Variants in CEP70 observed in about 807,000 individuals in gnomAD.
CEP70 encodes the protein centrosomal protein of 70 kDa.
In CEP70, 70 loss-of-function variants were observed where a neutral mutation model predicts 90.9. The observed-to-expected ratio is 0.77, with a 90% CI of 0.64 to 0.94. The LOEUF (loss-of-function observed/expected upper bound fraction) is 0.94, where lower values mean the gene tolerates loss of function less well. Among genes scored for constraint, CEP70 ranks in the 40% least tolerant of loss-of-function variants. The pLI, the probability that CEP70 is intolerant of heterozygous loss-of-function variation, is 0.00. For missense variants in CEP70, 648 were observed against 669.0 expected (o/e 0.97, Z 0.35); for synonymous variants, 220 against 228.3 (o/e 0.96, Z 0.33).
chr3:138,510,883 C>G (rs9827256), intron 11 of CEP70, among the ~76,000 whole-genome samples: 1 of 132,696 alleles, frequency 7.5e-6, no homozygotes. Flanking sequence ...TTTTTTGAGA[C>G]GGAGTCTCGC....
chr3:138,503,927 T>C (rs929952233), intron 13 of CEP70, among the ~76,000 whole-genome samples: 41 of 152,368 alleles, frequency 2.7e-4, no homozygotes, highest in African/African-American at 8.4e-4. Context: ...TTAGTATATT[T>C]TGTCTAATTA....
chr3:138,553,576 C>G (rs563526336), intron 6 of CEP70, among the ~76,000 whole-genome samples: 1 of 151,884 alleles, frequency 6.6e-6, no homozygotes, highest in South Asian at 2.1e-4. Context: ...TGACACTATT[C>G]CAAAAGACAG....
At chr3:138,525,625 T>C in intron 10 of CEP70, 61 bp from the exon 11 acceptor site, 1 of 764,758 alleles carries the variant, frequency 1.3e-6, no homozygotes, top group Non-Finnish European at 1.9e-6. Flanking sequence ...TAAAGGTACT[T>C]AAATATTAAC....
chr3:138,514,060 A>G (rs1365023097), intron 11 of CEP70, among the ~76,000 whole-genome samples: 1 of 152,194 alleles, frequency 6.6e-6, no homozygotes, highest in East Asian at 1.9e-4. Flanking sequence ...TGTAACTACA[A>G]ATCCTTTACT....
chr3:138,529,120 C>A, intron 10 of CEP70, 79 bp downstream of exon 10: 1 of 802,710 alleles, frequency 1.2e-6, no homozygotes, highest in South Asian at 1.8e-5. Context: ...GAGACGTGAT[C>A]ACACCACTGC....
At chr3:138,543,241 G>T (rs1415530389) in intron 6 of CEP70, among the ~76,000 whole-genome samples, 2 of 152,160 alleles carry the variant, frequency 1.3e-5, no homozygotes, top group African/African-American at 4.8e-5. Flanking sequence ...CAGGCTGTCT[G>T]CACTGCAGGA....
intron 11 of CEP70, among the ~76,000 whole-genome samples, chr3:138,521,007 G>A (rs2036565601): frequency 1.3e-5 from 2 of 152,100 alleles, no homozygotes; most frequent in Non-Finnish European, 1.5e-5. Flanking sequence ...ACGGGGTTTC[G>A]CCATGTTGGC....
At position 138,500,552 on chromosome 3, in the gene CEP70, G is replaced by A. The variant is rs1353285295; in HGVS notation, c.1384C>T (p.His462Tyr). ...ACAATAGCTTGCAAAGTTTGAAAGT[G>A]TGGCATATTGCTGTCCTGTCCAAAA... is the stretch of plus-strand genomic sequence containing the variant. ...ENKEKDSNMP[H>Y]FQTLQAIVSH... The change falls in exon 15 of 18, where the codon CAC becomes TAC. Residue 462 changes from histidine (H) to tyrosine (Y), a missense_variant. Coordinates refer to ENST00000264982, the MANE Select transcript of CEP70 (RefSeq NM_024491.4). The A allele has an allele frequency of 6.2e-7, 1 of 1,606,864 alleles. No homozygotes were observed. Among genetic ancestry groups the A allele is most frequent in the Non-Finnish European group, 8.5e-7 (1 of 1,178,134 alleles).
chr3:138,516,587 C>T (rs1311059067), intron 11 of CEP70, among the ~76,000 whole-genome samples: 7 of 152,146 alleles, frequency 4.6e-5, no homozygotes. Flanking sequence ...GGACTCACTA[C>T]ATTGCCCAGT....
At chr3:138,542,134 A>T (rs2038819203) in intron 6 of CEP70, among the ~76,000 whole-genome samples, 1 of 152,176 alleles carries the variant, frequency 6.6e-6, no homozygotes, top group Non-Finnish European at 1.5e-5. Context: ...TGTGTGAGTT[A>T]GCAAATGTGG....
intron 6 of CEP70, among the ~76,000 whole-genome samples, chr3:138,559,842 C>G (rs1254551486): frequency 6.6e-6 from 1 of 152,174 alleles, no homozygotes; most frequent in Non-Finnish European, 1.5e-5. Context: ...TCAGCAGAAA[C>G]AATGAATCCA....
intron 17 of CEP70, chr3:138,496,053 C>T (rs918657074): frequency 1.0e-6 from 1 of 985,290 alleles, no homozygotes; most frequent in South Asian, 4.7e-5. Flanking sequence ...AATTCACTCT[C>T]TGAAGCTCCT....
intron 2 of CEP70, among the ~76,000 whole-genome samples, chr3:138,573,965 C>A (rs2041349036): frequency 6.6e-6 from 1 of 151,860 alleles, no homozygotes; most frequent in Admixed American, 6.6e-5. Flanking sequence ...AAAAATAAAC[C>A]CAAGGGCATC....
At chr3:138,519,962 G>A (rs2036450044) in intron 11 of CEP70, among the ~76,000 whole-genome samples, 1 of 152,088 alleles carries the variant, frequency 6.6e-6, no homozygotes, top group South Asian at 2.1e-4. Context: ...GACACACATA[G>A]GCTCAAAATT....
chr3:138,527,913 A>G (rs960422518), intron 10 of CEP70, among the ~76,000 whole-genome samples: 3 of 151,820 alleles, frequency 2.0e-5, no homozygotes, highest in South Asian at 2.1e-4. Flanking sequence ...TAACTGTTTC[A>G]TAGGTGTATA....
At chr3:138,520,020 A>C (rs1221906779) in intron 11 of CEP70, among the ~76,000 whole-genome samples, 1 of 152,244 alleles carries the variant, frequency 6.6e-6, no homozygotes. Context: ...AAAAAAAGGC[A>C]GGGGTTGCAA....
At chr3:138,548,724 C>A (rs764975936) in intron 6 of CEP70, among the ~76,000 whole-genome samples, 31 of 152,332 alleles carry the variant, frequency 2.0e-4, no homozygotes, top group African/African-American at 2.6e-4. Flanking sequence ...GCAGTTCCCA[C>A]TCAGATGAAC....
rs143890487 is a variant in CEP70, at chr3:138,556,288, C to G, written c.465+14030G>C. 5.6e-3 allele frequency among the ~76,000 whole-genome samples: 856 copies of G among 152,124 alleles called. 7 individuals are homozygous for G. Among genetic ancestry groups the G allele is most frequent in the African/African-American group, 0.02 (824 of 41,520 alleles). ...CTCACGCCTGTAATCCCAACACTTT[C>G]GGAGGCTAAGGTGGGTGGATCATGA... is the stretch of plus-strand genomic sequence containing the variant. On this transcript the variant is annotated intron_variant, in intron 6 of 17. Coordinates refer to ENST00000264982, the MANE Select transcript of CEP70 (RefSeq NM_024491.4).
chr3:138,593,048 A>G (rs543646581), intron 1 of CEP70: 1 of 152,324 alleles, frequency 6.6e-6, no homozygotes, highest in South Asian at 2.1e-4. Context: ...GAGAGGTGAC[A>G]TGAAGGGGCA....
Sources: allele counts gnomAD v4.1 joint callset (sites outside exome capture counted in the v4.1 genomes callset), GRCh38; gene constraint gnomAD v4.1.1; transcripts MANE v1.5; gene names NCBI Gene and HGNC (gene_info 2026-07-23, HGNC 2026-07-21).